CPQ: variants seen among roughly 807,000 people sequenced by gnomAD.
CPQ encodes Ser-Met dipeptidase.
A neutral mutation model predicts 45.7 loss-of-function variants in CPQ; 37 were observed. The observed-to-expected ratio is 0.81, with a 90% confidence interval of 0.62 to 1.07. CPQ has a LOEUF of 1.07. Ranked by LOEUF, CPQ falls within the 50% of genes least tolerant of loss-of-function variation. The pLI, the probability that CPQ is intolerant of heterozygous loss-of-function variation, is 0.00. For missense variants in CPQ, 537 were observed against 572.9 expected (o/e 0.94, Z 0.64); for synonymous variants, 186 against 205.8 (o/e 0.90, Z 0.82).
At chr8:96,748,227 CAACA>C (rs1810214649) in intron 1 of CPQ, among the ~76,000 whole-genome samples, 2 of 152,074 alleles carry the variant, frequency 1.3e-5, no homozygotes. Context: ...GTCCATAAAA[CAACA>C]AACACAAAAA....
chr8:96,827,611 A>G (rs1811396439), intron 2 of CPQ, among the ~76,000 whole-genome samples: 1 of 152,066 alleles, frequency 6.6e-6, no homozygotes, highest in Non-Finnish European at 1.5e-5. Flanking sequence ...GCCCTTAAAT[A>G]ACTACCTTTG....
intron 1 of CPQ, among the ~76,000 whole-genome samples, chr8:96,755,482 A>AT (rs1355362804): frequency 6.6e-6 from 1 of 151,894 alleles, no homozygotes; most frequent in Non-Finnish European, 1.5e-5. Flanking sequence ...TTCATAGGAC[A>AT]TTTTTTGTTA....
chr8:96,983,181 A>T (rs1342406511), intron 5 of CPQ, among the ~76,000 whole-genome samples: 1 of 152,152 alleles, frequency 6.6e-6, no homozygotes, highest in Non-Finnish European at 1.5e-5. Flanking sequence ...TGTGATTTTG[A>T]ATTTACATAA....
At chr8:96,999,292 T>A (rs1809228115) in intron 5 of CPQ, among the ~76,000 whole-genome samples, 2 of 151,698 alleles carry the variant, frequency 1.3e-5, no homozygotes, top group Admixed American at 1.3e-4. Flanking sequence ...GTTACCTAAG[T>A]AAACCTCTGT....
At chr8:96,985,187 A>T (rs1813992668) in intron 5 of CPQ, among the ~76,000 whole-genome samples, 2 of 151,664 alleles carry the variant, frequency 1.3e-5, no homozygotes, top group Non-Finnish European at 2.9e-5. Flanking sequence ...TTTCACCATG[A>T]TTTGTTTAGG....
chr8:96,713,630 A>G (rs547940193), intron 1 of CPQ, among the ~76,000 whole-genome samples: 4 of 152,170 alleles, frequency 2.6e-5, no homozygotes, highest in Non-Finnish European at 5.9e-5. Context: ...AACTGCCCCC[A>G]TGATTCAAAT....
intron 1 of CPQ, among the ~76,000 whole-genome samples, chr8:96,652,878 C>T (rs935523619): frequency 6.6e-6 from 1 of 152,220 alleles, no homozygotes; most frequent in Non-Finnish European, 1.5e-5. Context: ...TCGTGATCCG[C>T]CCGCCTCAGC....
Position 97,143,290 on chromosome 8 carries a change from C to T in CPQ, c.*107C>T, listed in dbSNP as rs936653827. ...AATTTCATCCAATTCATCTTCAAAG[C>T]ACAACTCTATTTCATGCTTTCTGTT... is the stretch of plus-strand genomic sequence containing the variant. On this transcript the variant is annotated 3_prime_UTR_variant, in exon 8 of 8. Coordinates refer to ENST00000220763, the MANE Select transcript of CPQ (RefSeq NM_016134.4). 9 of 1,019,360 alleles carry T rather than the reference C, an allele frequency of 8.8e-6. No homozygotes were observed. The African/African-American group carries it at 1.4e-4, about 16-fold the overall frequency. The allele number at this position is 1,019,360 out of a possible 1,614,324, so 63.1% of individuals were successfully genotyped here. A position where few individuals can be genotyped will look rare whatever the true frequency, so the allele number is the denominator to read the frequency against.
At chr8:96,988,124 G>A (rs1809023343) in intron 5 of CPQ, among the ~76,000 whole-genome samples, 1 of 152,300 alleles carries the variant, frequency 6.6e-6, no homozygotes, top group South Asian at 2.1e-4. Flanking sequence ...CAGTTGTGGG[G>A]TAGTTTTCTT....
chr8:96,949,279 G>C (rs1813230194), intron 4 of CPQ, among the ~76,000 whole-genome samples: 1 of 149,298 alleles, frequency 6.7e-6, no homozygotes, highest in Non-Finnish European at 1.5e-5. Flanking sequence ...GTATTCATAT[G>C]CTTTAATTCT....
At chr8:97,087,407 G>A (rs1469843709) in intron 7 of CPQ, among the ~76,000 whole-genome samples, 1 of 152,056 alleles carries the variant, frequency 6.6e-6, no homozygotes, top group Non-Finnish European at 1.5e-5. Context: ...TGCCGACTTG[G>A]GGGGTCAAGG....
At chr8:96,978,224 C>T (rs755113803) in intron 5 of CPQ, among the ~76,000 whole-genome samples, 2 of 152,076 alleles carry the variant, frequency 1.3e-5, no homozygotes, top group Non-Finnish European at 2.9e-5. Context: ...AAGGTTTGAA[C>T]ACATTTAGAA....
At chr8:97,061,923 G>T (rs73268705) in intron 6 of CPQ, among the ~76,000 whole-genome samples, 4,884 of 152,152 alleles carry the variant, frequency 0.032, 263 homozygotes, top group African/African-American at 0.11. Context: ...TGATGTGAGG[G>T]TCAAACCCAG....
In CPQ at chr8:96,978,988, G is replaced by C. The variant is rs2130385220; in HGVS notation, c.961+12942G>C. On this transcript the variant is annotated intron_variant, in intron 5 of 7. Transcript: ENST00000220763. ...CCTTGCGTCAAGGAGCTCATAGTCA[G>C]GCAACAATGGCTTCACATGGATAGA... 2.0e-5 allele frequency among the ~76,000 whole-genome samples: 3 copies of C among 152,036 alleles called. No homozygotes were observed. The East Asian group carries it at 5.8e-4, about 29-fold the overall frequency.
intron 3 of CPQ, among the ~76,000 whole-genome samples, chr8:96,876,350 C>CA (rs1020946729): frequency 4.7e-5 from 7 of 150,472 alleles, no homozygotes; most frequent in South Asian, 4.2e-4. Flanking sequence ...TTAACTTACT[C>CA]AAAAAAAAAG....
intron 4 of CPQ, among the ~76,000 whole-genome samples, chr8:96,900,224 G>A (rs1292378173): frequency 6.6e-6 from 1 of 152,118 alleles, no homozygotes; most frequent in Non-Finnish European, 1.5e-5. Flanking sequence ...CAACATTTTT[G>A]CCTTGGAATG....
intron 6 of CPQ, among the ~76,000 whole-genome samples, chr8:97,056,758 T>C (rs967258495): frequency 6.6e-6 from 1 of 152,196 alleles, no homozygotes; most frequent in South Asian, 2.1e-4. Context: ...CATCTGTTCA[T>C]TTGACAAGTA....
intron 4 of CPQ, among the ~76,000 whole-genome samples, chr8:96,923,994 T>TC (rs1011489272): frequency 2.6e-5 from 4 of 152,224 alleles, no homozygotes; most frequent in Admixed American, 2.6e-4. Flanking sequence ...CTAAGAGTTA[T>TC]CTTGGGGGCA....
intron 3 of CPQ, among the ~76,000 whole-genome samples, chr8:96,868,894 T>C (rs1480442195): frequency 6.6e-6 from 1 of 151,998 alleles, no homozygotes; most frequent in Non-Finnish European, 1.5e-5. Context: ...TCCTTATTAC[T>C]GGTTTTTTAG....
Sources: allele counts gnomAD v4.1 joint callset (sites outside exome capture counted in the v4.1 genomes callset), GRCh38; gene constraint gnomAD v4.1.1; transcripts MANE v1.5; gene names NCBI Gene and HGNC (gene_info 2026-07-23, HGNC 2026-07-21).